MYBPHL: variants seen among roughly 807,000 people sequenced by gnomAD.
MYBPHL encodes the protein myosin binding protein H like, also known as myosin-binding protein H-like.
Under a neutral mutation model 39.5 loss-of-function variants are expected in MYBPHL, and 32 were observed. That is an observed-to-expected ratio of 0.81 (90% confidence interval 0.61 to 1.09). The LOEUF is 1.09. Ranked by LOEUF, MYBPHL falls within the 50% of genes least tolerant of loss-of-function variation. MYBPHL has a pLI of 0.00. For synonymous variants in MYBPHL, 196 were observed against 183.7 expected, an observed-to-expected ratio of 1.07 and a Z score of -0.54; for missense variants, 456 against 460.2, an observed-to-expected ratio of 0.99 and a Z score of 0.08.
intron 1 of MYBPHL, 23 bp from the exon 2 acceptor site, chr1:109,298,280 A>AT (rs1333545079): frequency 2.5e-6 from 4 of 1,594,914 alleles, no homozygotes; most frequent in Non-Finnish European, 3.4e-6. Context: ...AAGAGAGAGA[A>AT]TAGGAGATGG....
At chr1:109,298,353 G>T in intron 1 of MYBPHL, 96 bp from the exon 2 acceptor site, 2 of 1,078,204 alleles carry the variant, frequency 1.9e-6, no homozygotes, top group Non-Finnish European at 1.4e-6. Flanking sequence ...CCAGGAATCG[G>T]TCACCAAATT....
rs557299955 is a variant in MYBPHL at position 109,302,708 on chromosome 1, A to C, written c.145+4139T>G. ...AATTCAGCCAATGGTCCCTGTGGCCATTCTCTAGACCAAGAGCTACAATCC... is the reference window on the plus strand; with the variant it reads ...AATTCAGCCAATGGTCCCTGTGGCCCTTCTCTAGACCAAGAGCTACAATCC... On this transcript the variant is annotated intron_variant, in intron 1 of 8. Coordinates refer to ENST00000357155, the MANE Select transcript of MYBPHL (RefSeq NM_001010985.3). 2.0e-5 allele frequency among the ~76,000 whole-genome samples: 3 copies of C among 152,312 alleles called. No individual in the cohort carries two copies. The South Asian group carries it at 6.2e-4, about 32-fold the overall frequency.
chr1:109,296,423 C>T lies in MYBPHL; in HGVS notation c.731-53G>A, dbSNP rs540702991. 1.0e-4 allele frequency: 162 copies of T among 1,591,244 alleles called. No individual in the cohort carries two copies. In the Middle Eastern group the frequency reaches 1.1e-3, roughly 10 times the overall value. Reference sequence around the variant, plus strand: ...TAGCTTCTGAGATCCCAGCCCTCGTCGACTCTTTATCCTTAGTATTTTTTT... The same window carrying T: ...TAGCTTCTGAGATCCCAGCCCTCGTTGACTCTTTATCCTTAGTATTTTTTT... On this transcript the variant is annotated intron_variant, in intron 5 of 8. Transcript: ENST00000357155.
At chr1:109,302,513 C>T (rs1658328918) in intron 1 of MYBPHL, among the ~76,000 whole-genome samples, 2 of 152,126 alleles carry the variant, frequency 1.3e-5, no homozygotes, top group Non-Finnish European at 2.9e-5. Context: ...TTACAGTCGT[C>T]CCCCTAGTGC....
intron 2 of MYBPHL, 127 bp downstream of exon 2, chr1:109,298,042 G>T (rs776826822): frequency 1.3e-6 from 1 of 790,094 alleles, no homozygotes; most frequent in Non-Finnish European, 2.0e-6. Flanking sequence ...ACTTCTGGTG[G>T]TGTGACCCCT....
At chr1:109,299,649 C>T (rs680434) in intron 1 of MYBPHL, among the ~76,000 whole-genome samples, 99,999 of 152,152 alleles carry the variant, frequency 0.66, 34,339 homozygotes, top group East Asian at 0.96. Flanking sequence ...CAGTTTCCTT[C>T]TGTGCTGTGT....
intron 7 of MYBPHL, among the ~76,000 whole-genome samples, chr1:109,294,910 A>C (rs775335430): frequency 3.3e-5 from 5 of 152,174 alleles, no homozygotes; most frequent in Admixed American, 6.5e-5. Flanking sequence ...TTCCTATATT[A>C]TTGAATTGTG....
At chr1:109,302,049 G>A (rs963271976) in intron 1 of MYBPHL, among the ~76,000 whole-genome samples, 3 of 151,868 alleles carry the variant, frequency 2.0e-5, no homozygotes, top group African/African-American at 7.3e-5. Context: ...GTGTATGTAT[G>A]TGTGTGTGAG....
Position 109,306,961 on chromosome 1 carries a change from C to A in MYBPHL, c.31G>T (p.Ala11Ser). MEAATAPEVA[A>S]GSKLKVKEAS... is the part of the protein sequence containing the mutation. ...TCTTTCACCTTCAGCTTGGATCCTG[C>A]GGCCACCTCCGGAGCTGTGGCTGCC... is the stretch of plus-strand genomic sequence containing the variant. Residue 11 changes from alanine to serine, a missense_variant, in exon 1 of 9, where the codon GCA becomes TCA. Ala to Ser is a moderately conservative substitution (Grantham distance 99). Coordinates refer to ENST00000357155, the MANE Select transcript of MYBPHL (RefSeq NM_001010985.3). 1 of 1,610,376 alleles carries A rather than the reference C, an allele frequency of 6.2e-7. No homozygotes were observed.
chr1:109,301,733 C>T (rs1297652630), intron 1 of MYBPHL, among the ~76,000 whole-genome samples: 2 of 141,326 alleles, frequency 1.4e-5, no homozygotes, highest in African/African-American at 5.0e-5. Context: ...AAGAACAAAA[C>T]TTCATCTCAA....
chr1:109,298,080 T>C, intron 2 of MYBPHL, 89 bp downstream of exon 2: 1 of 1,140,264 alleles, frequency 8.8e-7, no homozygotes, highest in South Asian at 1.5e-5. Context: ...AGATTGCCCC[T>C]CTGCTAGCAG....
At chr1:109,292,873 CT>C (rs1175428855) in intron 8 of MYBPHL, 1 of 152,214 alleles carries the variant, frequency 6.6e-6, no homozygotes, top group Non-Finnish European at 1.5e-5. Context: ...TCTCAAGCTT[CT>C]TTTTCGCCTT....
In MYBPHL at chr1:109,297,052, C is replaced by A. The variant is rs372747640; in HGVS notation, c.568G>T (p.Gly190Trp). Residue 190 changes from glycine (G) to tryptophan (W), a missense_variant and splice_region_variant, in exon 4 of 9, where the codon GGG becomes TGG. By Grantham distance (184) the Gly-to-Trp change is radical. Transcript: ENST00000357155. Reference sequence around the variant, plus strand: ...CCTTCCTTCCCAGCTGGCCTCACCCCGGATTTTGTGTCAGCCTTCTGCACC... The same window carrying A: ...CCTTCCTTCCCAGCTGGCCTCACCCAGGATTTTGTGTCAGCCTTCTGCACC... ...YTVQKADTKS[G>W]LWFTVLEHYH... The A allele has an allele frequency of 1.2e-6, 2 of 1,614,028 alleles. No individual in the cohort carries two copies. The highest frequency in any genetic ancestry group is 1.3e-5 in the African/African-American group (1 of 74,898).
chr1:109,301,152 G>T (rs933217246), intron 1 of MYBPHL, among the ~76,000 whole-genome samples: 8 of 152,206 alleles, frequency 5.3e-5, no homozygotes, highest in Admixed American at 2.0e-4. Flanking sequence ...CCGCAGTCAA[G>T]CGAGGTGTAA....
At position 109,297,609 on chromosome 1, in the gene MYBPHL, G is replaced by C; in HGVS notation, c.243C>G (p.Pro81=). The change falls in exon 3 of 9, where the codon CCC becomes CCG. Residue 81 remains proline, a synonymous_variant. Transcript: ENST00000357155. ...VNLLIPFQGK[P]KPQAIWTHDG... Reference sequence around the variant, plus strand: ...CATGTGTCCAGATGGCTTGAGGTTTGGGCTTGCCCTGAGGAATGAGGGTAA... The same window carrying C: ...CATGTGTCCAGATGGCTTGAGGTTTCGGCTTGCCCTGAGGAATGAGGGTAA... 6.2e-7 allele frequency: 1 copy of C among 1,613,112 alleles called. No homozygotes were observed. The highest frequency in any genetic ancestry group is 8.5e-7 in the Non-Finnish European group (1 of 1,179,798).
intron 1 of MYBPHL, among the ~76,000 whole-genome samples, chr1:109,306,522 T>C (rs417270): frequency 0.65 from 98,505 of 152,028 alleles, 33,755 homozygotes; most frequent in East Asian, 0.96. Context: ...TGGCCATTAG[T>C]ATATCAGGTC....
rs765304736 is a variant in MYBPHL, at chr1:109,306,959, T to C, written c.33A>G (p.Ala11=). The change falls in exon 1 of 9, where the codon GCA becomes GCG. Residue 11 remains alanine, a synonymous_variant. Coordinates refer to ENST00000357155, the MANE Select transcript of MYBPHL (RefSeq NM_001010985.3). ...CTTCTTTCACCTTCAGCTTGGATCCTGCGGCCACCTCCGGAGCTGTGGCTG... is the reference window on the plus strand; with the variant it reads ...CTTCTTTCACCTTCAGCTTGGATCCCGCGGCCACCTCCGGAGCTGTGGCTG... MEAATAPEVA[A]GSKLKVKEAS... 1.9e-6 allele frequency: 3 copies of C among 1,610,814 alleles called. No individual in the cohort carries two copies. The highest frequency in any genetic ancestry group is 4.5e-5 in the East Asian group (2 of 44,472).
At chr1:109,302,567 C>T (rs1658330680) in intron 1 of MYBPHL, among the ~76,000 whole-genome samples, 1 of 152,174 alleles carries the variant, frequency 6.6e-6, no homozygotes, top group South Asian at 2.1e-4. Context: ...AACACCCTCT[C>T]CATGCGGTAT....
At chr1:109,302,082 T>C (rs929303599) in intron 1 of MYBPHL, among the ~76,000 whole-genome samples, 1 of 151,858 alleles carries the variant, frequency 6.6e-6, no homozygotes, top group African/African-American at 2.4e-5. Flanking sequence ...AATGTGTGTG[T>C]TTGTGTACGT....
Sources: gnomAD v4.1 joint callset for allele counts (sites outside exome capture counted in the v4.1 genomes callset) on GRCh38, gnomAD v4.1.1 for gene constraint, MANE v1.5 for transcripts, NCBI Gene and HGNC (gene_info 2026-07-23, HGNC 2026-07-21) for gene names.